Variants in BLTP1 observed in about 807,000 individuals in gnomAD.
BLTP1 encodes the protein fragile site-associated protein.
the BLTP1 span, chr4:122,220,255 A>G: frequency 2.1e-6 from 3 of 1,451,828 alleles, no homozygotes; most frequent in Admixed American, 2.1e-5. Flanking sequence ...ATCATGACAG[A>G]TGTAATTTTT....
the BLTP1 span, chr4:122,349,362 A>G: frequency 6.4e-7 from 1 of 1,574,170 alleles, no homozygotes. This position sits in a 1 kb window ranked among gnomAD's most constrained non-coding sequence, Gnocchi z 4.5. Flanking sequence ...TAAGATATAT[A>G]TATCAAAAAA....
At chr4:122,265,057 G>A in the BLTP1 span, among the ~76,000 whole-genome samples, 3 of 152,208 alleles carry the variant, frequency 2.0e-5, no homozygotes, top group Admixed American at 1.3e-4. Context: ...TGTGAGAGTG[G>A]GACGTGGGTG....
chr4:122,227,012 G>A, the BLTP1 span: 1 of 560,430 alleles, frequency 1.8e-6, no homozygotes, highest in Non-Finnish European at 2.7e-6. Flanking sequence ...TCTAAAATAT[G>A]AGATAATTAT....
chr4:122,177,322 C>G, the BLTP1 span, among the ~76,000 whole-genome samples: 251 of 152,340 alleles, frequency 1.6e-3, 2 homozygotes, highest in Middle Eastern at 6.8e-3. Flanking sequence ...TCTCCCCACA[C>G]TGGCCCAAGT....
the BLTP1 span, chr4:122,348,536 ATGAACATGTATT>A: frequency 6.5e-7 from 1 of 1,542,154 alleles, no homozygotes; most frequent in Non-Finnish European, 8.8e-7. Context: ...ATTTATGTGA[ATGAACATGTATT>A]TGATTTTTCT....
the BLTP1 span, chr4:122,346,428 A>G: frequency 1.0e-6 from 1 of 983,074 alleles, no homozygotes; most frequent in Non-Finnish European, 1.2e-6. Context: ...CCAACTTGCC[A>G]TCACCTCAAA....
At chr4:122,216,583 G>A in the BLTP1 span, among the ~76,000 whole-genome samples, 175 of 152,192 alleles carry the variant, frequency 1.1e-3, no homozygotes, top group African/African-American at 4.1e-3. Flanking sequence ...GTCTATTCAT[G>A]TACTTTGCCC....
At chr4:122,154,465 C>T in the BLTP1 span, 1 of 985,236 alleles carries the variant, frequency 1.0e-6, no homozygotes, top group Non-Finnish European at 1.2e-6. Flanking sequence ...ATGTGCTTAG[C>T]CTGTGCATTG....
At chr4:122,346,243 C>T in the BLTP1 span, among the ~76,000 whole-genome samples, 1 of 152,140 alleles carries the variant, frequency 6.6e-6, no homozygotes, top group African/African-American at 2.4e-5. Flanking sequence ...AAATAGTAGT[C>T]CCTGCCACAC....
chr4:122,291,372 T>G, the BLTP1 span, among the ~76,000 whole-genome samples: 3 of 152,360 alleles, frequency 2.0e-5, no homozygotes, highest in South Asian at 6.2e-4. Context: ...GGGAATACTT[T>G]GAACCCTTGT....
chr4:122,235,223 G>A, the BLTP1 span: 1 of 491,928 alleles, frequency 2.0e-6, no homozygotes, highest in South Asian at 8.7e-5. Context: ...AGAGTTAGAA[G>A]TAGGTCTGCT....
the BLTP1 span, among the ~76,000 whole-genome samples, chr4:122,156,373 C>T: frequency 1.4e-4 from 21 of 152,080 alleles, no homozygotes; most frequent in African/African-American, 5.1e-4. Context: ...AAATACACCT[C>T]AAAGGAGTGG....
the BLTP1 span, chr4:122,347,440 G>A: frequency 6.7e-7 from 1 of 1,496,944 alleles, no homozygotes; most frequent in South Asian, 1.3e-5. Context: ...TAGAAATGAT[G>A]GATGGGTGAA....
chr4:122,309,583 G>C, the BLTP1 span: 1 of 1,009,122 alleles, frequency 9.9e-7, no homozygotes, highest in Non-Finnish European at 1.4e-6. Context: ...TGAGAAAGAA[G>C]GGCTATTTCT....
the BLTP1 span, chr4:122,273,366 C>T: frequency 1.0e-6 from 1 of 984,688 alleles, no homozygotes; most frequent in Non-Finnish European, 1.2e-6. Context: ...ACACGGTTCT[C>T]TGAAAAAATT....
chr4:122,188,504 G>A, the BLTP1 span, among the ~76,000 whole-genome samples: 1 of 151,984 alleles, frequency 6.6e-6, no homozygotes, highest in Non-Finnish European at 1.5e-5. Context: ...AAATTGAATC[G>A]AAATTACTCT....
the BLTP1 span, chr4:122,204,978 A>T: frequency 1.3e-4 from 22 of 163,652 alleles, no homozygotes; most frequent in Admixed American, 1.4e-3. Flanking sequence ...TTGATGCAGT[A>T]AAACTCTATA....
chr4:122,313,519 A>C, the BLTP1 span: 9 of 693,708 alleles, frequency 1.3e-5, no homozygotes, highest in Non-Finnish European at 2.0e-5. Context: ...GAAGGATAGT[A>C]ATCCTCTTTG....
At chr4:122,245,355 A>G in the BLTP1 span, among the ~76,000 whole-genome samples, 1 of 152,148 alleles carries the variant, frequency 6.6e-6, no homozygotes, top group Non-Finnish European at 1.5e-5. Flanking sequence ...ATATATTAAT[A>G]GCTTTCTTTG....
Sources: gnomAD v4.1 joint callset for allele counts (sites outside exome capture counted in the v4.1 genomes callset) on GRCh38, gnomAD v4.1.1 for gene constraint, Gnocchi (gnomAD v3.1) non-coding constraint, MANE v1.5 for transcripts, NCBI Gene and HGNC (gene_info 2026-07-23, HGNC 2026-07-21) for gene names.